The following ACTR3C variants were observed in gnomAD, a reference collection of about 807,000 sequenced individuals.
The protein encoded by ACTR3C is actin-related protein 3C.
Under a neutral mutation model 26.3 loss-of-function variants are expected in ACTR3C, and 18 were observed. The ratio of observed to expected loss-of-function variants is 0.68; its 90% CI spans 0.47 to 1.01. The LOEUF is 1.01. ACTR3C is among the 50% of genes least tolerant of loss of function. The pLI is 0.00. For missense variants in ACTR3C, 184 were observed against 250.7 expected, an observed-to-expected ratio of 0.73 and a Z score of 1.80; for synonymous variants, 55 against 94.5, an observed-to-expected ratio of 0.58 and a Z score of 2.42.
At chr7:149,954,255 T>C in the ACTR3C span, among the ~76,000 whole-genome samples, 82 of 152,320 alleles carry the variant, frequency 5.4e-4, no homozygotes, top group Non-Finnish European at 1.1e-3. Flanking sequence ...ATCAACTGTA[T>C]AATCATTTGA....
the ACTR3C span, among the ~76,000 whole-genome samples, chr7:150,023,493 C>T: frequency 6.6e-6 from 1 of 151,436 alleles, no homozygotes; most frequent in South Asian, 2.1e-4. Flanking sequence ...ATCACCAGAC[C>T]CAGCTAATTT....
the ACTR3C span, among the ~76,000 whole-genome samples, chr7:149,977,295 G>C: frequency 6.6e-6 from 1 of 152,194 alleles, no homozygotes; most frequent in Non-Finnish European, 1.5e-5. Flanking sequence ...CACCATTGTT[G>C]AGATGACACC....
At chr7:149,922,780 A>G in the ACTR3C span, among the ~76,000 whole-genome samples, 1 of 151,506 alleles carries the variant, frequency 6.6e-6, no homozygotes, top group Non-Finnish European at 1.5e-5. Context: ...AAAAGGATAT[A>G]AGACATATGG....
chr7:150,144,573 A>G, the ACTR3C span, among the ~76,000 whole-genome samples: 2 of 152,086 alleles, frequency 1.3e-5, no homozygotes, highest in Non-Finnish European at 1.5e-5. This position sits in a 1 kb window ranked among gnomAD's most constrained non-coding sequence, Gnocchi z 4.6. Flanking sequence ...AATCATCCCC[A>G]TCATACTGGG....
At chr7:149,918,237 A>C in the ACTR3C span, among the ~76,000 whole-genome samples, 1 of 152,152 alleles carries the variant, frequency 6.6e-6, no homozygotes, top group African/African-American at 2.4e-5. Context: ...TGAATTCTGA[A>C]CATTGTTGTA....
the ACTR3C span, among the ~76,000 whole-genome samples, chr7:149,888,836 C>T: frequency 5.1e-4 from 78 of 152,082 alleles, no homozygotes; most frequent in Non-Finnish European, 9.7e-4. Context: ...GGTGAAACCC[C>T]GTCTCTACTA....
the ACTR3C span, among the ~76,000 whole-genome samples, chr7:150,082,291 G>T: frequency 6.6e-6 from 1 of 152,134 alleles, no homozygotes; most frequent in Non-Finnish European, 1.5e-5. Flanking sequence ...ATGGTCTCCG[G>T]TGTCCACTCT....
At chr7:149,984,759 T>A in the ACTR3C span, among the ~76,000 whole-genome samples, 25 of 152,208 alleles carry the variant, frequency 1.6e-4, no homozygotes, top group African/African-American at 4.8e-4. Context: ...TTGCAGGACA[T>A]TCCAATTATT....
the ACTR3C span, among the ~76,000 whole-genome samples, chr7:150,008,341 A>T: frequency 6.6e-6 from 1 of 152,236 alleles, no homozygotes; most frequent in Non-Finnish European, 1.5e-5. Flanking sequence ...GCTCTGAGCC[A>T]CATCCTTCCA....
the ACTR3C span, among the ~76,000 whole-genome samples, chr7:150,082,244 T>C: frequency 3.3e-5 from 5 of 152,186 alleles, no homozygotes; most frequent in African/African-American, 1.2e-4. Flanking sequence ...TGGAGACTAG[T>C]TGTAGAGTGG....
At chr7:150,175,233 C>G in the ACTR3C span, among the ~76,000 whole-genome samples, 1 of 148,716 alleles carries the variant, frequency 6.7e-6, no homozygotes, top group African/African-American at 2.6e-5. Flanking sequence ...ATAGATTTCT[C>G]TCTGGGGAAA....
the ACTR3C span, among the ~76,000 whole-genome samples, chr7:150,078,967 A>T: frequency 3.9e-5 from 6 of 152,284 alleles, no homozygotes; most frequent in South Asian, 1.2e-3. Flanking sequence ...GAACTGGAAC[A>T]CCCAGATGTC....
the ACTR3C span, among the ~76,000 whole-genome samples, chr7:149,936,945 A>G: frequency 1.3e-5 from 2 of 151,394 alleles, no homozygotes; most frequent in Non-Finnish European, 2.9e-5. Flanking sequence ...ATGTGCCACC[A>G]TACCCAGCTA....
the ACTR3C span, among the ~76,000 whole-genome samples, chr7:149,903,913 G>GCTGT: frequency 2.3e-3 from 218 of 95,088 alleles, 9 homozygotes; most frequent in South Asian, 5.6e-3. Context: ...GGTTGTTGTT[G>GCTGT]TTGTTGTTGT....
At chr7:150,317,386 A>G (rs1797041154) in intron 1 of ACTR3C, among the ~76,000 whole-genome samples, 2 of 152,142 alleles carry the variant, frequency 1.3e-5, no homozygotes, top group African/African-American at 2.4e-5. Context: ...GGTTGTTTGC[A>G]TAGATGGCGG....
the ACTR3C span, among the ~76,000 whole-genome samples, chr7:150,078,823 T>C: frequency 6.6e-6 from 1 of 152,278 alleles, no homozygotes; most frequent in East Asian, 1.9e-4. Flanking sequence ...TCCAATCTGT[T>C]TGATAAATCA....
intron 6 of ACTR3C, among the ~76,000 whole-genome samples, chr7:150,270,939 G>T (rs1339032274): frequency 6.6e-6 from 1 of 152,000 alleles, no homozygotes; most frequent in Admixed American, 6.5e-5. Flanking sequence ...ATGCTCCTCT[G>T]GATATACTTC....
chr7:150,185,277 GTGTGTGTGT>G, the ACTR3C span, among the ~76,000 whole-genome samples: 18 of 3,098 alleles, frequency 5.8e-3, no homozygotes, highest in Middle Eastern at 0.17. Flanking sequence ...AATGTCAGGC[GTGTGTGTGT>G]GTGTGTGTGT....
intron 6 of ACTR3C, among the ~76,000 whole-genome samples, chr7:150,278,459 C>T (rs1026393668): frequency 1.1e-4 from 16 of 152,248 alleles, no homozygotes; most frequent in Non-Finnish European, 2.1e-4. Flanking sequence ...TCTCATACTC[C>T]TGTCCACACG....
Sources: gnomAD v4.1 joint callset for allele counts (sites outside exome capture counted in the v4.1 genomes callset) on GRCh38, gnomAD v4.1.1 for gene constraint, Gnocchi (gnomAD v3.1) non-coding constraint, MANE v1.5 for transcripts, NCBI Gene and HGNC (gene_info 2026-07-23, HGNC 2026-07-21) for gene names.